Variants in MAGI2 observed in about 807,000 individuals in gnomAD.
MAGI2 encodes membrane associated guanylate kinase, WW and PDZ domain containing 2, also known as membrane-associated guanylate kinase, WW and PDZ domain-containing protein 2.
MAGI2 carries 35 observed loss-of-function variants against 133.3 expected under a neutral mutation model. That is an observed-to-expected ratio of 0.26 (90% CI 0.20 to 0.35). The LOEUF is 0.35. Among genes scored for constraint, MAGI2 ranks in the 10% least tolerant of loss-of-function variants. The pLI, the probability that MAGI2 is intolerant of heterozygous loss-of-function variation, is 1.00. For missense variants in MAGI2, 1,636 were observed against 1,863.4 expected, an observed-to-expected ratio of 0.88 and a Z score of 2.25; for synonymous variants, 729 against 710.6, an observed-to-expected ratio of 1.03 and a Z score of -0.41.
intron 13 of MAGI2, among the ~76,000 whole-genome samples, chr7:78,182,947 AGTCTG>A (rs1465671419): frequency 2.0e-5 from 3 of 152,212 alleles, no homozygotes; most frequent in African/African-American, 7.2e-5. Flanking sequence ...CATTATGCAC[AGTCTG>A]TAGGAGTTGC....
At chr7:78,225,908 T>C (rs1024787566) in intron 10 of MAGI2, among the ~76,000 whole-genome samples, 1 of 152,210 alleles carries the variant, frequency 6.6e-6, no homozygotes, top group African/African-American at 2.4e-5. Flanking sequence ...TGCAGCCACA[T>C]TGTACAACGC....
chr7:78,972,653 T>C (rs918503099), intron 2 of MAGI2, among the ~76,000 whole-genome samples: 2 of 151,814 alleles, frequency 1.3e-5, no homozygotes, highest in Non-Finnish European at 2.9e-5. Flanking sequence ...TTATATAATA[T>C]ATATAATCCA....
chr7:79,175,653 A>T (rs2129549595), intron 1 of MAGI2, among the ~76,000 whole-genome samples: 1 of 152,188 alleles, frequency 6.6e-6, no homozygotes, highest in South Asian at 2.1e-4. Flanking sequence ...TAGATGGTGT[A>T]GCCTACTACA....
At chr7:78,623,386 A>T (rs530599005) in intron 3 of MAGI2, among the ~76,000 whole-genome samples, 35 of 152,212 alleles carry the variant, frequency 2.3e-4, no homozygotes, top group Middle Eastern at 3.4e-3. Context: ...AGCCCATGGG[A>T]AATTATTCTG....
chr7:78,664,810 G>C (rs1585015889), intron 2 of MAGI2, among the ~76,000 whole-genome samples: 1 of 151,846 alleles, frequency 6.6e-6, no homozygotes, highest in Non-Finnish European at 1.5e-5. Context: ...AGCTATGCTT[G>C]AAACTTTTTA....
intron 10 of MAGI2, among the ~76,000 whole-genome samples, chr7:78,233,750 T>G (rs529491191): frequency 1.2e-4 from 19 of 152,258 alleles, no homozygotes; most frequent in South Asian, 1.2e-3. Context: ...AAAGGGAATG[T>G]TGATGAAGTG....
At chr7:79,348,646 A>G (rs530982366) in intron 1 of MAGI2, among the ~76,000 whole-genome samples, 61 of 152,002 alleles carry the variant, frequency 4.0e-4, no homozygotes, top group African/African-American at 1.4e-3. Flanking sequence ...TACAAATCAA[A>G]AAGACGAGTT....
intron 6 of MAGI2, among the ~76,000 whole-genome samples, chr7:78,392,648 T>C (rs1554387806): frequency 2.0e-5 from 3 of 152,210 alleles, no homozygotes; most frequent in Non-Finnish European, 4.4e-5. Flanking sequence ...TTTTTTATTT[T>C]TTGAGAATAA....
At chr7:78,960,817 G>A (rs1584509251) in intron 2 of MAGI2, among the ~76,000 whole-genome samples, 3 of 152,188 alleles carry the variant, frequency 2.0e-5, no homozygotes, top group East Asian at 3.9e-4. Flanking sequence ...ACTCTGATTG[G>A]TTAAGGAATC....
Position 79,442,391 on chromosome 7 carries a change from C to T in MAGI2, c.301+10629G>A, listed in dbSNP as rs181687939. 3.3e-5 allele frequency among the ~76,000 whole-genome samples: 5 copies of T among 151,844 alleles called. No individual in the cohort carries two copies. In the East Asian group the frequency reaches 9.7e-4, roughly 29 times the overall value. On this transcript the variant is annotated intron_variant, in intron 1 of 21. Coordinates refer to ENST00000354212, the MANE Select transcript of MAGI2 (RefSeq NM_012301.4). ...TAAACTAAGGCTGTATCCTCACATGCCTAAGTGCCTTTCCGAGACTATTTA... is the reference window on the plus strand; with the variant it reads ...TAAACTAAGGCTGTATCCTCACATGTCTAAGTGCCTTTCCGAGACTATTTA...
chr7:79,439,540 CA>C (rs1412306237), intron 1 of MAGI2, among the ~76,000 whole-genome samples: 2 of 152,144 alleles, frequency 1.3e-5, no homozygotes, highest in Non-Finnish European at 2.9e-5. Context: ...TCACACTGAG[CA>C]CAGTGTTTTA....
chr7:78,676,828 C>T (rs545679142), intron 2 of MAGI2, among the ~76,000 whole-genome samples: 4 of 152,066 alleles, frequency 2.6e-5, no homozygotes, highest in South Asian at 4.1e-4. Context: ...TCAGAACTAC[C>T]GTAAATAATG....
chr7:78,771,075 T>G (rs1317964246), intron 2 of MAGI2: 1 of 152,164 alleles, frequency 6.6e-6, no homozygotes, highest in Non-Finnish European at 1.5e-5. Context: ...GCCGCTGAGC[T>G]CTTTTGTTTT....
intron 2 of MAGI2, among the ~76,000 whole-genome samples, chr7:78,718,558 C>T (rs1311595341): frequency 4.0e-5 from 6 of 151,606 alleles, no homozygotes; most frequent in East Asian, 1.9e-4. Flanking sequence ...GTAGGTTGTC[C>T]GCTCCTTATG....
intron 4 of MAGI2, among the ~76,000 whole-genome samples, chr7:78,515,164 G>T (rs1795933501): frequency 6.6e-6 from 1 of 152,132 alleles, no homozygotes; most frequent in African/African-American, 2.4e-5. Context: ...TGAAATAAAA[G>T]AAATCCAAGA....
chr7:78,580,341 C>G (rs1230356550), intron 3 of MAGI2, among the ~76,000 whole-genome samples: 1 of 152,146 alleles, frequency 6.6e-6, no homozygotes, highest in African/African-American at 2.4e-5. Context: ...CTCTGTGCTA[C>G]AGTTCTTGAA....
Position 78,828,680 on chromosome 7 carries a change from T to C in MAGI2, c.418+178410A>G, listed in dbSNP as rs957605281. On this transcript the variant is annotated intron_variant, in intron 2 of 21. Coordinates refer to ENST00000354212, the MANE Select transcript of MAGI2 (RefSeq NM_012301.4). Reference sequence around the variant, plus strand: ...ATCAATATTCGTCCATTAATTATGATTGATGTACCATATACTTGTGATGTA... The same window carrying C: ...ATCAATATTCGTCCATTAATTATGACTGATGTACCATATACTTGTGATGTA... 5.9e-5 allele frequency among the ~76,000 whole-genome samples: 9 copies of C among 152,294 alleles called. No individual in the cohort carries two copies. The East Asian group carries it at 7.7e-4, about 13-fold the overall frequency.
At chr7:78,799,211 A>G (rs1008217367) in intron 2 of MAGI2, among the ~76,000 whole-genome samples, 3 of 152,128 alleles carry the variant, frequency 2.0e-5, no homozygotes, top group Non-Finnish European at 4.4e-5. Flanking sequence ...ACAACTATTG[A>G]GATATGCTTG....
At chr7:78,530,039 A>G (rs1231406457) in intron 3 of MAGI2, among the ~76,000 whole-genome samples, 1 of 152,132 alleles carries the variant, frequency 6.6e-6, no homozygotes, top group Non-Finnish European at 1.5e-5. Flanking sequence ...TTTAATGGCC[A>G]TATGTTACTA....
Sources: allele counts gnomAD v4.1 joint callset (sites outside exome capture counted in the v4.1 genomes callset), GRCh38; gene constraint gnomAD v4.1.1; transcripts MANE v1.5; gene names NCBI Gene and HGNC (gene_info 2026-07-23, HGNC 2026-07-21).